Variants in RAPGEF6 observed in about 807,000 individuals in gnomAD.
The protein encoded by RAPGEF6 is Rap guanine nucleotide exchange factor 6.
In RAPGEF6, 56 loss-of-function variants were observed where a neutral mutation model predicts 171.4. The observed-to-expected ratio is 0.33, with a 90% CI of 0.26 to 0.41. The LOEUF (loss-of-function observed/expected upper bound fraction) is 0.41, where lower values mean the gene tolerates loss of function less well. RAPGEF6 is among the 10% of genes least tolerant of loss of function. RAPGEF6 has a pLI of 1.00. For missense variants in RAPGEF6, 1,674 were observed against 1,921.4 expected, an observed-to-expected ratio of 0.87 and a Z score of 2.41; for synonymous variants, 692 against 650.1, an observed-to-expected ratio of 1.06 and a Z score of -0.98.
intron 6 of RAPGEF6, among the ~76,000 whole-genome samples, chr5:131,542,768 G>A (rs1760240522): frequency 6.6e-6 from 1 of 152,088 alleles, no homozygotes; most frequent in African/African-American, 2.4e-5. Context: ...AAGAATAAAA[G>A]TACATCTTAA....
At chr5:131,439,470 G>C in intron 24 of RAPGEF6, 111 bp downstream of exon 24, 4 of 1,437,692 alleles carry the variant, frequency 2.8e-6, no homozygotes, top group Non-Finnish European at 3.7e-6. Context: ...AGCATTAGGA[G>C]TTATGCTTTT....
chr5:131,495,469 ATG>A (rs1274943006), intron 13 of RAPGEF6, 82 bp downstream of exon 13: 2 of 979,960 alleles, frequency 2.0e-6, no homozygotes, highest in African/African-American at 3.3e-5. Context: ...ACAGGAAAGA[ATG>A]AAAGCTATTG....
Position 131,461,854 on chromosome 5 carries a change from G to A in RAPGEF6, c.2715C>T (p.Asp905=), listed in dbSNP as rs1753955398. 3 of 1,613,912 alleles carry A rather than the reference G, an allele frequency of 1.9e-6. No homozygotes were observed. Among genetic ancestry groups the A allele is most frequent in the African/African-American group, 1.3e-5 (1 of 74,912 alleles). ...TGNTHLKRFE[D]IVNQETFWVA... ...CCCAGAATGTCTCTTGGTTTACAAT[G>A]TCCTCAAACCTCTTCAAATGAGTAT... The change falls in exon 19 of 28, where the codon GAC becomes GAT. Residue 905 remains aspartate, a synonymous_variant. Transcript: ENST00000509018.
chr5:131,467,236 C>T (rs181023131), intron 17 of RAPGEF6, among the ~76,000 whole-genome samples: 45 of 152,272 alleles, frequency 3.0e-4, no homozygotes, highest in Admixed American at 5.9e-4. Flanking sequence ...CAAAGTCATA[C>T]GTTGTTAAAG....
At position 131,427,272 on chromosome 5, in the gene RAPGEF6, T is replaced by C; in HGVS notation, c.4800A>G (p.Ala1600=). 1 of 1,609,810 alleles carries C rather than the reference T, an allele frequency of 6.2e-7. No homozygotes were observed. The highest frequency in any genetic ancestry group is 8.5e-7 in the Non-Finnish European group (1 of 1,176,178). Residue 1600 remains alanine, a synonymous_variant, in exon 28 of 28, where the codon GCA becomes GCG. Coordinates refer to ENST00000509018, the MANE Select transcript of RAPGEF6 (RefSeq NM_016340.6). ...SEADENEQVS[A]V ...CAAATAGGTCATCCAAAGGCTAGAC[T>C]GCTGAAACTTGTTCATTTTCTGAAA...
At chr5:131,483,470 A>T (rs1343422671) in intron 15 of RAPGEF6, among the ~76,000 whole-genome samples, 1 of 152,162 alleles carries the variant, frequency 6.6e-6, no homozygotes, top group Non-Finnish European at 1.5e-5. Flanking sequence ...ATTAAAAAAA[A>T]TAGGGACAAA....
chr5:131,505,238 T>G (rs1757298693), intron 10 of RAPGEF6, 126 bp downstream of exon 10: 1 of 913,438 alleles, frequency 1.1e-6, no homozygotes, highest in Admixed American at 2.7e-5. Context: ...CTACTTTCCT[T>G]TATTAACTGT....
At chr5:131,585,289 T>TATACATAC (rs3058508) in intron 4 of RAPGEF6, among the ~76,000 whole-genome samples, 6,880 of 134,950 alleles carry the variant, frequency 0.051, 178 homozygotes, top group Non-Finnish European at 0.065. Context: ...AAAAAAAAAC[T>TATACATAC]ATACATACAT....
intron 1 of RAPGEF6, among the ~76,000 whole-genome samples, chr5:131,608,698 G>T (rs891030670): frequency 4.6e-5 from 7 of 152,100 alleles, no homozygotes; most frequent in Non-Finnish European, 8.8e-5. Context: ...CTTGTCTGAG[G>T]GGGTAAGTGA....
intron 21 of RAPGEF6, chr5:131,449,890 A>G (rs745905609): frequency 1.0e-6 from 1 of 985,454 alleles, no homozygotes; most frequent in Non-Finnish European, 1.5e-6. Flanking sequence ...AGCAGAAGGC[A>G]TTTGTCAGGA....
chr5:131,513,456 G>A (rs1757872382), intron 7 of RAPGEF6, among the ~76,000 whole-genome samples: 9 of 152,016 alleles, frequency 5.9e-5, no homozygotes, highest in Admixed American at 5.9e-4. Flanking sequence ...TTTCAATCTG[G>A]TCTCATTCCC....
At chr5:131,493,141 T>C (rs1420547381) in intron 13 of RAPGEF6, among the ~76,000 whole-genome samples, 1 of 152,186 alleles carries the variant, frequency 6.6e-6, no homozygotes, top group Non-Finnish European at 1.5e-5. Context: ...CTCGACTCAC[T>C]GCAGGCTCCA....
intron 6 of RAPGEF6, among the ~76,000 whole-genome samples, chr5:131,530,141 GA>G (rs570777912): frequency 0.038 from 3,552 of 93,778 alleles, 76 homozygotes; most frequent in Middle Eastern, 0.18. Flanking sequence ...CATCTCTTAA[GA>G]AAAAAAAAAA....
chr5:131,432,560 G>A (rs1751774827), intron 25 of RAPGEF6, among the ~76,000 whole-genome samples: 1 of 152,116 alleles, frequency 6.6e-6, no homozygotes, highest in Non-Finnish European at 1.5e-5. Flanking sequence ...GGAGCTTGCA[G>A]TGAGCCGAGA....
chr5:131,608,134 G>A (rs1764718071), intron 1 of RAPGEF6, among the ~76,000 whole-genome samples: 1 of 152,130 alleles, frequency 6.6e-6, no homozygotes. Context: ...GCTAAACATA[G>A]CCATGCCCAT....
intron 1 of RAPGEF6, among the ~76,000 whole-genome samples, chr5:131,612,834 C>A (rs1046579463): frequency 6.6e-5 from 10 of 152,152 alleles, no homozygotes; most frequent in Admixed American, 3.9e-4. Context: ...TTCGGCACAT[C>A]ATTAACAATG....
rs143094861 is a variant in RAPGEF6 at position 131,615,633 on chromosome 5, G to A, written c.70-10940C>T. On this transcript the variant is annotated intron_variant, in intron 1 of 27. Coordinates refer to ENST00000509018, the MANE Select transcript of RAPGEF6 (RefSeq NM_016340.6). Reference sequence around the variant, plus strand: ...AGAGGGAAGTCGGCTGGGTACAGTGGCTCACACCTATAATCCCAGCACTTT... The same window carrying A: ...AGAGGGAAGTCGGCTGGGTACAGTGACTCACACCTATAATCCCAGCACTTT... Among the ~76,000 whole-genome samples, 1,401 of 152,234 alleles carry A rather than the reference G, an allele frequency of 9.2e-3. 50 individuals are homozygous for A. Among genetic ancestry groups the A allele is most frequent in the Admixed American group, 0.069 (1,057 of 15,290 alleles).
rs142276477 is a variant in RAPGEF6, at chr5:131,433,318, T to C, written c.3974+112A>G. 1,191 of 817,540 alleles carry C rather than the reference T, an allele frequency of 1.5e-3. 1 individual carries two copies. Among genetic ancestry groups the C allele is most frequent in the Non-Finnish European group, 2.0e-3 (1,005 of 494,034 alleles). 50.6% of individuals were successfully genotyped at this position (817,540 alleles called of 1,614,324 possible). On this transcript the variant is annotated intron_variant, in intron 25 of 27. Coordinates refer to ENST00000509018, the MANE Select transcript of RAPGEF6 (RefSeq NM_016340.6). ...TGTGCTTGGCCCACATATTCTTTTA[T>C]GGATAACTCTGCAATTACCCCATGG...
At chr5:131,531,129 A>T (rs1759340919) in intron 6 of RAPGEF6, among the ~76,000 whole-genome samples, 1 of 152,234 alleles carries the variant, frequency 6.6e-6, no homozygotes, top group Admixed American at 6.5e-5. Flanking sequence ...GCTAGGCCAG[A>T]TAAAACAGAA....
Sources: allele counts gnomAD v4.1 joint callset (sites outside exome capture counted in the v4.1 genomes callset), GRCh38; gene constraint gnomAD v4.1.1; transcripts MANE v1.5; gene names NCBI Gene and HGNC (gene_info 2026-07-23, HGNC 2026-07-21).